The following IL12RB1 variants were observed in gnomAD, a reference collection of about 807,000 sequenced individuals.
IL12RB1 encodes the protein interleukin 12 receptor subunit beta 1.
IL12RB1 carries 64 observed loss-of-function variants against 94.4 expected under a neutral mutation model. That is an observed-to-expected ratio of 0.68 (90% CI 0.55 to 0.83). The LOEUF (loss-of-function observed/expected upper bound fraction) is 0.83. IL12RB1 is among the 40% of genes least tolerant of loss of function. IL12RB1 has a pLI of 0.00. For synonymous variants in IL12RB1, 362 were observed against 355.5 expected, an observed-to-expected ratio of 1.02 and a Z score of -0.21; for missense variants, 814 against 855.6, an observed-to-expected ratio of 0.95 and a Z score of 0.61.
chr19:18,093,292 C>T (rs2036719727), intron 1 of IL12RB1, among the ~76,000 whole-genome samples: 1 of 150,160 alleles, frequency 6.7e-6, no homozygotes, highest in African/African-American at 2.5e-5. Flanking sequence ...GCCAACAGAG[C>T]TGGACTTTTG....
intron 4 of IL12RB1, among the ~76,000 whole-genome samples, chr19:18,079,152 G>A (rs1221364643): frequency 6.8e-6 from 1 of 147,062 alleles, no homozygotes; most frequent in Non-Finnish European, 1.5e-5. Context: ...CACCCAGGCT[G>A]GAGTGCAGTG....
At chr19:18,066,401 C>T in intron 12 of IL12RB1, 141 bp downstream of exon 12, 1 of 606,560 alleles carries the variant, frequency 1.6e-6, no homozygotes, top group Non-Finnish European at 3.0e-6. Context: ...GCCACTGCGC[C>T]CAGCCAATTC....
chr19:18,069,660 G>C lies in IL12RB1; in HGVS notation c.1075C>G (p.Pro359Ala). Residue 359 changes from proline to alanine, a missense_variant, in exon 10 of 17, where the codon CCA becomes GCA. Transcript: ENST00000593993. The part of the protein sequence containing the change: ...VGTNGTTMYW[P>A]ARAQSMTYCI... ...TACGTCATGCTCTGAGCCCGGGCTGGCCAATACATGGTGGTCCCGTTGGTT... is the reference window on the plus strand; with the variant it reads ...TACGTCATGCTCTGAGCCCGGGCTGCCCAATACATGGTGGTCCCGTTGGTT... 1 of 1,612,820 alleles carries C rather than the reference G, an allele frequency of 6.2e-7. No individual in the cohort carries two copies. The highest frequency in any genetic ancestry group is 8.5e-7 in the Non-Finnish European group (1 of 1,179,178).
chr19:18,064,361 G>T (rs1448161387), intron 12 of IL12RB1, among the ~76,000 whole-genome samples: 1 of 151,500 alleles, frequency 6.6e-6, no homozygotes, highest in Admixed American at 6.6e-5. Flanking sequence ...GGATGGTCTC[G>T]ATCTCCTGAC....
intron 8 of IL12RB1, 151 bp from the exon 9 acceptor site, chr19:18,072,500 G>A: frequency 1.5e-6 from 1 of 664,846 alleles, no homozygotes; most frequent in African/African-American, 1.8e-5. Context: ...AAACCTCAAT[G>A]CTGGCAAAGC....
upstream of IL12RB1, among the ~76,000 whole-genome samples, chr19:18,089,788 G>C (rs2384853): frequency 6.6e-6 from 1 of 152,220 alleles, no homozygotes; most frequent in Non-Finnish European, 1.5e-5. Context: ...TGTGCAATGC[G>C]GTTCAGCTTC....
At chr19:18,069,753 T>A in intron 9 of IL12RB1, 40 bp from the exon 10 acceptor site, 1 of 1,466,060 alleles carries the variant, frequency 6.8e-7, no homozygotes, top group Non-Finnish European at 9.5e-7. Flanking sequence ...ACAGTTGCCA[T>A]CTCTCTCCCC....
Position 18,059,598 on chromosome 19 carries a change from G to A in IL12RB1, c.*10C>T, listed in dbSNP as rs1256959793. 5.1e-6 allele frequency: 4 copies of A among 780,406 alleles called. No individual in the cohort carries two copies. The Admixed American group carries it at 6.8e-5, about 13-fold the overall frequency. The allele number at this position is 780,406 out of a possible 1,614,324, so 48.3% of individuals were successfully genotyped here. A position where few individuals can be genotyped will look rare whatever the true frequency, so the allele number is the denominator to read the frequency against. ...CGGGCGAGTCACTCACCCTCTCTGA[G>A]CCTCAACGATCACATCTGTAAAGTA... On this transcript the variant is annotated 3_prime_UTR_variant, in exon 17 of 17. Transcript: ENST00000593993.
Position 18,060,249 on chromosome 19 carries a change from CG to C in IL12RB1, c.1792-165del, listed in dbSNP as rs1365649954. Among the ~76,000 whole-genome samples the C allele has an allele frequency of 2.0e-5, 3 of 152,110 alleles. No individual in the cohort carries two copies. In the East Asian group the frequency reaches 5.8e-4, roughly 29 times the overall value. On this transcript the variant is annotated intron_variant, in intron 15 of 16. Transcript: ENST00000593993. ...ATCCCAGCACTTTGGGAGGCTGAGG[CG>C]GGTGGATCACTTGAGGTCAGCAGTT...
chr19:18,074,886 C>G (rs559440670), intron 7 of IL12RB1, among the ~76,000 whole-genome samples: 2 of 151,830 alleles, frequency 1.3e-5, no homozygotes, highest in Non-Finnish European at 2.9e-5. Context: ...CCCGTCTCTA[C>G]TAAAAAATAC....
chr19:18,096,469 A>G (rs2036938098), intron 1 of IL12RB1, among the ~76,000 whole-genome samples: 2 of 152,148 alleles, frequency 1.3e-5, no homozygotes, highest in African/African-American at 4.8e-5. Context: ...CACCAGGGCC[A>G]GGATTAAAGG....
chr19:18,072,367 G>T lies in IL12RB1; in HGVS notation c.784-18C>A. 1.3e-6 allele frequency: 2 copies of T among 1,523,094 alleles called. No individual in the cohort carries two copies. Among genetic ancestry groups the T allele is most frequent in the Non-Finnish European group, 1.8e-6 (2 of 1,097,176 alleles). 94.3% of individuals were successfully genotyped at this position (1,523,094 alleles called of 1,614,324 possible). On this transcript the variant is annotated intron_variant, in intron 8 of 16. Transcript: ENST00000593993. ...TGGGTTGGCTGTCAGGAGTATGAAA[G>T]ACAGCTTGTGGGTACCTGATCACAC... is the stretch of plus-strand genomic sequence containing the variant.
intron 1 of IL12RB1, among the ~76,000 whole-genome samples, chr19:18,095,615 C>T (rs554218184): frequency 1.3e-5 from 2 of 152,304 alleles, no homozygotes; most frequent in South Asian, 2.1e-4. Context: ...GGTTACACAA[C>T]TCTGTGAGTA....
At chr19:18,081,427 C>T (rs184581152) in intron 3 of IL12RB1, among the ~76,000 whole-genome samples, 1 of 151,938 alleles carries the variant, frequency 6.6e-6, no homozygotes, top group East Asian at 2.0e-4. Flanking sequence ...TTGTACACCT[C>T]CTCCCCCAGC....
chr19:18,092,042 A>C (rs1226996647), intron 1 of IL12RB1, among the ~76,000 whole-genome samples: 33 of 151,482 alleles, frequency 2.2e-4, no homozygotes, highest in Admixed American at 2.0e-3. Flanking sequence ...ACACCCAGCT[A>C]ATTTTTGTAT....
Position 18,072,197 on chromosome 19 carries a change from A to G in IL12RB1, c.936T>C (p.Ala312=), listed in dbSNP as rs374776013. The G allele has an allele frequency of 2.5e-6, 4 of 1,614,020 alleles. No homozygotes were observed. Among genetic ancestry groups the G allele is most frequent in the Non-Finnish European group, 3.4e-6 (4 of 1,179,998 alleles). Residue 312 remains alanine, a synonymous_variant, in exon 9 of 17, where the codon GCT becomes GCC. Transcript: ENST00000593993. ...AGGAGATGACAGCCACGTTGTAGGC[A>G]GCACCCGAGAGATAGGGCATCTTCC... The part of the protein sequence containing the change: ...HLGKMPYLSG[A]AYNVAVISSN...
intron 12 of IL12RB1, among the ~76,000 whole-genome samples, chr19:18,065,909 T>C: frequency 6.6e-6 from 1 of 150,966 alleles, no homozygotes; most frequent in Non-Finnish European, 1.5e-5. Flanking sequence ...CATGGTGGTG[T>C]GCACCTGTGT....
intron 1 of IL12RB1, among the ~76,000 whole-genome samples, chr19:18,098,257 C>G (rs1266087140): frequency 1.3e-5 from 2 of 152,162 alleles, no homozygotes; most frequent in African/African-American, 4.8e-5. Context: ...ACCCTCAGCT[C>G]AGCCCTACGA....
At chr19:18,075,991 G>T in intron 6 of IL12RB1, 123 bp from the exon 7 acceptor site, 1 of 961,798 alleles carries the variant, frequency 1.0e-6, no homozygotes. Context: ...GGTCCTGGGG[G>T]CTCAGCAGAA....
Sources: allele counts gnomAD v4.1 joint callset (sites outside exome capture counted in the v4.1 genomes callset), GRCh38; gene constraint gnomAD v4.1.1; transcripts MANE v1.5; gene names NCBI Gene and HGNC (gene_info 2026-07-23, HGNC 2026-07-21).